The following RAB3IP variants were observed in gnomAD, a reference collection of about 807,000 sequenced individuals.
RAB3IP encodes the protein rab-3A-interacting protein.
A neutral mutation model predicts 59.1 loss-of-function variants in RAB3IP; 36 were observed. The ratio of observed to expected loss-of-function variants is 0.61; its 90% CI spans 0.47 to 0.80. RAB3IP has a LOEUF of 0.80. RAB3IP is among the 30% of genes least tolerant of loss of function. The pLI is 0.00. For missense variants in RAB3IP, 511 were observed against 536.0 expected (o/e 0.95, Z 0.46); for synonymous variants, 207 against 191.2 (o/e 1.08, Z -0.68).
chr12:69,739,572 C>T (rs2136084262), intron 1 of RAB3IP: 4 of 530,224 alleles, frequency 7.5e-6, no homozygotes, highest in Non-Finnish European at 1.4e-5. Context: ...ACGCGCGAGG[C>T]ACCGTGCTGA....
At chr12:69,790,312 A>C (rs1876398065) in intron 4 of RAB3IP, among the ~76,000 whole-genome samples, 1 of 152,238 alleles carries the variant, frequency 6.6e-6, no homozygotes, top group Non-Finnish European at 1.5e-5. Flanking sequence ...TCAGTGTCAA[A>C]AAGCATCAAA....
At chr12:69,809,025 C>T (rs1289289101) in intron 8 of RAB3IP, among the ~76,000 whole-genome samples, 1 of 151,568 alleles carries the variant, frequency 6.6e-6, no homozygotes, top group Non-Finnish European at 1.5e-5. Context: ...CATGTTTTTG[C>T]AGTGGCTGGT....
intron 3 of RAB3IP, among the ~76,000 whole-genome samples, chr12:69,756,943 G>C (rs1052537360): frequency 2.6e-5 from 4 of 152,196 alleles, no homozygotes; most frequent in Admixed American, 2.6e-4. Flanking sequence ...CTGTAATGCA[G>C]ATTGAGTGGG....
chr12:69,771,747 T>C (rs1873155484), intron 3 of RAB3IP, among the ~76,000 whole-genome samples: 1 of 152,196 alleles, frequency 6.6e-6, no homozygotes, highest in Non-Finnish European at 1.5e-5. Flanking sequence ...TGTACTAATT[T>C]ATATTACCAC....
chr12:69,755,270 T>C, intron 1 of RAB3IP, 114 bp from the exon 2 acceptor site: 1 of 974,002 alleles, frequency 1.0e-6, no homozygotes, highest in Non-Finnish European at 1.5e-6. Context: ...CCTCTTTTAT[T>C]GTAAGCTTAT....
intron 1 of RAB3IP, among the ~76,000 whole-genome samples, chr12:69,744,488 T>C (rs1887654698): frequency 6.6e-6 from 1 of 151,624 alleles, no homozygotes; most frequent in African/African-American, 2.4e-5. Flanking sequence ...ACTTGGGAGG[T>C]TGAGGCAGAC....
chr12:69,748,486 T>C (rs1868705522), intron 1 of RAB3IP, among the ~76,000 whole-genome samples: 1 of 152,194 alleles, frequency 6.6e-6, no homozygotes, highest in African/African-American at 2.4e-5. Context: ...GTTTTTGCTG[T>C]GATAGTACTG....
At chr12:69,789,312 C>T (rs926026318) in intron 4 of RAB3IP, among the ~76,000 whole-genome samples, 3 of 151,888 alleles carry the variant, frequency 2.0e-5, no homozygotes, top group Non-Finnish European at 4.4e-5. Context: ...GGAGGTATTA[C>T]AATGGATGCT....
At chr12:69,739,654 G>C (rs947549854) in intron 1 of RAB3IP, 8 of 622,038 alleles carry the variant, frequency 1.3e-5, no homozygotes, top group African/African-American at 3.7e-5. Context: ...CCGGAGTCGC[G>C]CCCAAGTAGG....
chr12:69,770,059 A>G (rs1872849479), intron 3 of RAB3IP, among the ~76,000 whole-genome samples: 1 of 132,490 alleles, frequency 7.5e-6, no homozygotes, highest in African/African-American at 2.7e-5. Flanking sequence ...ACATATGATA[A>G]AAGTCTATGT....
chr12:69,821,944 C>T lies in RAB3IP; in HGVS notation c.*6498C>T, dbSNP rs749925905. On this transcript the variant is annotated 3_prime_UTR_variant, in exon 11 of 11. Coordinates refer to ENST00000247833, the MANE Select transcript of RAB3IP (RefSeq NM_022456.5). Reference sequence around the variant, plus strand: ...GGAACCCCAATTCTAACCTTAGCTTCTCAGGCCATTAAATGAAATCTCATT... The same window carrying T: ...GGAACCCCAATTCTAACCTTAGCTTTTCAGGCCATTAAATGAAATCTCATT... 1 of 152,218 alleles carries T rather than the reference C, an allele frequency of 6.6e-6. No individual in the cohort carries two copies. Among genetic ancestry groups the T allele is most frequent in the Non-Finnish European group, 1.5e-5 (1 of 68,054 alleles). The allele number at this position is 152,218 out of a possible 1,614,324, so 9.4% of individuals were successfully genotyped here.
chr12:69,817,225 C>T lies in RAB3IP; in HGVS notation c.*1779C>T, dbSNP rs1477747604. ...GTAAGACTAAAGAAAATCAGTATAC[C>T]CATTAATAATAAATCTTTAGTAATC... On this transcript the variant is annotated 3_prime_UTR_variant, in exon 11 of 11. Transcript: ENST00000247833. The T allele has an allele frequency of 6.6e-6, 1 of 151,676 alleles. No homozygotes were observed. Among genetic ancestry groups the T allele is most frequent in the African/African-American group, 2.4e-5 (1 of 41,284 alleles). The allele number at this position is 151,676 out of a possible 1,614,324, so 9.4% of individuals were successfully genotyped here. A position where few individuals can be genotyped will look rare whatever the true frequency, so the allele number is the denominator to read the frequency against.
chr12:69,765,200 G>A lies in RAB3IP; in HGVS notation c.510+8537G>A, dbSNP rs550992642. 2.2e-4 allele frequency among the ~76,000 whole-genome samples: 34 copies of A among 152,216 alleles called. 1 individual carries two copies. Among genetic ancestry groups the A allele is most frequent in the Admixed American group, 8.5e-4 (13 of 15,294 alleles). Reference sequence around the variant, plus strand: ...TGTTGAATAGGAATGGTGAGAGTGGGCATCGTCGTCTTGTTCCAGTTCTTG... The same window carrying A: ...TGTTGAATAGGAATGGTGAGAGTGGACATCGTCGTCTTGTTCCAGTTCTTG... On this transcript the variant is annotated intron_variant, in intron 3 of 10. Coordinates refer to ENST00000247833, the MANE Select transcript of RAB3IP (RefSeq NM_022456.5).
chr12:69,768,720 C>G (rs1872634605), intron 3 of RAB3IP, among the ~76,000 whole-genome samples: 1 of 152,118 alleles, frequency 6.6e-6, no homozygotes, highest in South Asian at 2.1e-4. Flanking sequence ...CTCCTCCTGC[C>G]CCAACCCTGT....
At position 69,755,649 on chromosome 12, in the gene RAB3IP, T is replaced by C. The variant is rs141936642; in HGVS notation, c.241T>C (p.Ser81Pro). ...CAGACGTTTAAATTGTGCGGAAATA[T>C]CTAGTATCAGGTAGGAAATAAGTAA... ...SPRRLNCAEI[S>P]SISFHVTDPA... is the part of the protein sequence containing the mutation. Residue 81 changes from serine (S) to proline (P), a missense_variant, in exon 2 of 11, where the codon TCT becomes CCT. Coordinates refer to ENST00000247833, the MANE Select transcript of RAB3IP (RefSeq NM_022456.5). The C allele has an allele frequency of 7.9e-5, 127 of 1,611,638 alleles. No homozygotes were observed. The highest frequency in any genetic ancestry group is 1.6e-4 in the Middle Eastern group (1 of 6,072).
chr12:69,772,255 A>G (rs1873249240), intron 3 of RAB3IP, among the ~76,000 whole-genome samples: 1 of 151,982 alleles, frequency 6.6e-6, no homozygotes, highest in African/African-American at 2.4e-5. Flanking sequence ...CTTGTTTTTC[A>G]ATTTGCATTG....
At chr12:69,787,671 A>G (rs1268725426) in intron 4 of RAB3IP, among the ~76,000 whole-genome samples, 1 of 152,162 alleles carries the variant, frequency 6.6e-6, no homozygotes, top group East Asian at 1.9e-4. Context: ...TGCTACCTCC[A>G]GGACATAGAG....
In RAB3IP at chr12:69,794,385, T is replaced by C. The variant is rs1592576697; in HGVS notation, c.607-52T>C. 2.0e-6 allele frequency: 3 copies of C among 1,494,314 alleles called. No individual in the cohort carries two copies. In the East Asian group the frequency reaches 6.8e-5, roughly 34 times the overall value. 92.6% of individuals were successfully genotyped at this position (1,494,314 alleles called of 1,614,324 possible). On this transcript the variant is annotated intron_variant, in intron 4 of 10. Transcript: ENST00000247833. ...ATTGTAAACATTTGGCAAGAACTTT[T>C]TGAAAACAAATGCTACTTTGTTTCT... is the stretch of plus-strand genomic sequence containing the variant.
At chr12:69,792,678 C>G (rs1876825385) in intron 4 of RAB3IP, among the ~76,000 whole-genome samples, 1 of 152,088 alleles carries the variant, frequency 6.6e-6, no homozygotes, top group African/African-American at 2.4e-5. Flanking sequence ...TGATCCTGCC[C>G]CAGTCTAGTG....
Sources: allele counts gnomAD v4.1 joint callset (sites outside exome capture counted in the v4.1 genomes callset), GRCh38; gene constraint gnomAD v4.1.1; transcripts MANE v1.5; gene names NCBI Gene and HGNC (gene_info 2026-07-23, HGNC 2026-07-21).